SPTLC3: variants seen among roughly 807,000 people sequenced by gnomAD.
SPTLC3 encodes serine palmitoyltransferase long chain base subunit 3.
Under a neutral mutation model 59.3 loss-of-function variants are expected in SPTLC3, and 36 were observed. The observed-to-expected ratio is 0.61, with a 90% CI of 0.47 to 0.80. SPTLC3 has a LOEUF of 0.80. Ranked by LOEUF, SPTLC3 falls within the 30% of genes least tolerant of loss-of-function variation. SPTLC3 has a pLI of 0.00. For missense variants in SPTLC3, 625 were observed against 685.1 expected (o/e 0.91, Z 0.98); for synonymous variants, 257 against 240.8 (o/e 1.07, Z -0.62).
chr20:13,106,044 G>A (rs1989874106), intron 6 of SPTLC3, among the ~76,000 whole-genome samples: 1 of 152,136 alleles, frequency 6.6e-6, no homozygotes, highest in Non-Finnish European at 1.5e-5. Context: ...CTGCCATCTA[G>A]TGGTTAATAA....
In SPTLC3 at chr20:13,155,185, C is replaced by CA. The variant is rs987966513; in HGVS notation, c.1415+1058dup. On this transcript the variant is annotated intron_variant, in intron 10 of 11. Coordinates refer to ENST00000399002, the MANE Select transcript of SPTLC3 (RefSeq NM_018327.4). ...ACTGGGTGACAGAATGAGACCCTGT[C>CA]AAAAAAAAAAAGGAAGTTAACTAAG... Among the ~76,000 whole-genome samples the CA allele has an allele frequency of 8.5e-3, 1,136 of 134,060 alleles. 14 individuals are homozygous for CA. The highest frequency in any genetic ancestry group is 0.027 in the African/African-American group (994 of 36,462). 87.9% of individuals were successfully genotyped at this position (134,060 alleles called of 152,430 possible).
chr20:13,145,871 CA>C (rs2038498480), intron 9 of SPTLC3, among the ~76,000 whole-genome samples: 1 of 152,082 alleles, frequency 6.6e-6, no homozygotes, highest in South Asian at 2.1e-4. Flanking sequence ...ACAAACTTGA[CA>C]AAAACAAGTA....
At chr20:13,043,161 C>T (rs1191093347) in intron 1 of SPTLC3, among the ~76,000 whole-genome samples, 1 of 152,154 alleles carries the variant, frequency 6.6e-6, no homozygotes, top group African/African-American at 2.4e-5. Flanking sequence ...GGATCTATGC[C>T]AATCTTGATC....
chr20:13,013,173 A>G (rs1985344526), intron 1 of SPTLC3, among the ~76,000 whole-genome samples: 1 of 152,248 alleles, frequency 6.6e-6, no homozygotes, highest in Non-Finnish European at 1.5e-5. Context: ...CCACATTATT[A>G]TGGAAATCAT....
intron 6 of SPTLC3, among the ~76,000 whole-genome samples, chr20:13,103,810 C>T (rs1240126939): frequency 1.3e-5 from 2 of 152,176 alleles, no homozygotes; most frequent in African/African-American, 2.4e-5. Flanking sequence ...GGAGGAAGCC[C>T]TGATGTATGC....
intron 2 of SPTLC3, among the ~76,000 whole-genome samples, chr20:13,062,868 A>G (rs1988027297): frequency 6.6e-6 from 1 of 152,234 alleles, no homozygotes; most frequent in African/African-American, 2.4e-5. Context: ...ATGCCATAAT[A>G]TACTTATTCC....
At chr20:13,156,403 G>A (rs751140081) in intron 10 of SPTLC3, among the ~76,000 whole-genome samples, 1 of 152,152 alleles carries the variant, frequency 6.6e-6, no homozygotes, top group Non-Finnish European at 1.5e-5. Flanking sequence ...TGCTATGAAC[G>A]ATATGCTTCA....
In SPTLC3 at chr20:13,165,230, A is replaced by C. The variant is rs532811777; in HGVS notation, c.*363A>C. On this transcript the variant is annotated 3_prime_UTR_variant, in exon 12 of 12. Coordinates refer to ENST00000399002, the MANE Select transcript of SPTLC3 (RefSeq NM_018327.4). ...ATGAGAGAATTTAAAATTTTTATTC[A>C]GTAAGTTCACTATGTGTTTACTTAT... 45 of 185,588 alleles carry C rather than the reference A, an allele frequency of 2.4e-4. No homozygotes were observed. Among genetic ancestry groups the C allele is most frequent in the Non-Finnish European group, 4.1e-4 (36 of 87,828 alleles). 11.5% of individuals were successfully genotyped at this position (185,588 alleles called of 1,614,324 possible). A position where few individuals can be genotyped will look rare whatever the true frequency, so the allele number is the denominator to read the frequency against.
intron 1 of SPTLC3, among the ~76,000 whole-genome samples, chr20:13,037,407 C>T (rs1054639202): frequency 2.0e-5 from 3 of 152,138 alleles, no homozygotes; most frequent in African/African-American, 7.2e-5. Flanking sequence ...CAGTCTGCAT[C>T]GCATAACAAA....
At chr20:13,037,608 G>T (rs1360699002) in intron 1 of SPTLC3, among the ~76,000 whole-genome samples, 1 of 152,130 alleles carries the variant, frequency 6.6e-6, no homozygotes, top group East Asian at 1.9e-4. Flanking sequence ...ATATAACTAT[G>T]AATGAAATGT....
At chr20:13,068,247 C>T (rs540145758) in intron 2 of SPTLC3, among the ~76,000 whole-genome samples, 26 of 152,296 alleles carry the variant, frequency 1.7e-4, no homozygotes, top group Non-Finnish European at 3.2e-4. Context: ...CTTCTTTCTA[C>T]ACTCCATTCT....
intron 9 of SPTLC3, among the ~76,000 whole-genome samples, chr20:13,127,438 G>C (rs1283443662): frequency 2.0e-5 from 3 of 152,148 alleles, no homozygotes; most frequent in African/African-American, 7.2e-5. Flanking sequence ...CTGGCCACTG[G>C]ACTGTACAAT....
At chr20:13,123,503 T>A (rs141600454) in intron 8 of SPTLC3, among the ~76,000 whole-genome samples, 3 of 152,310 alleles carry the variant, frequency 2.0e-5, no homozygotes, top group African/African-American at 7.2e-5. Context: ...AGAGATTTAG[T>A]AACTGGCCCA....
chr20:13,110,832 G>A (rs965591888), intron 7 of SPTLC3, among the ~76,000 whole-genome samples: 6 of 152,056 alleles, frequency 3.9e-5, no homozygotes, highest in Admixed American at 1.3e-4. Context: ...CAATCCTGAC[G>A]TTAGGCAAAT....
chr20:13,126,569 G>T, intron 8 of SPTLC3, 22 bp from the exon 9 acceptor site: 1 of 1,611,100 alleles, frequency 6.2e-7, no homozygotes, highest in Non-Finnish European at 8.5e-7. Flanking sequence ...CCTTCTTTTT[G>T]GGTTTCCCCT....
At chr20:13,048,653 G>A (rs1987334719) in intron 1 of SPTLC3, among the ~76,000 whole-genome samples, 1 of 152,206 alleles carries the variant, frequency 6.6e-6, no homozygotes, top group African/African-American at 2.4e-5. Context: ...TGATTAGGAA[G>A]TAAGCTGTGG....
At chr20:13,042,541 A>G (rs1466940014) in intron 1 of SPTLC3, among the ~76,000 whole-genome samples, 2 of 152,212 alleles carry the variant, frequency 1.3e-5, no homozygotes, top group Non-Finnish European at 2.9e-5. Flanking sequence ...GGTGTTCATT[A>G]GAGGAAGTAA....
Position 13,092,414 on chromosome 20 carries a change from T to C in SPTLC3, c.733-1070T>C, listed in dbSNP as rs116840928. Among the ~76,000 whole-genome samples, 38 of 152,370 alleles carry C rather than the reference T, an allele frequency of 2.5e-4. No individual in the cohort carries two copies. The East Asian group carries it at 6.9e-3, about 28-fold the overall frequency. ...TCTCATCACAACTACATGCAATGTA[T>C]GGTCTTAGACTGGATTTTGCACCAA... On this transcript the variant is annotated intron_variant, in intron 5 of 11. Transcript: ENST00000399002.
intron 1 of SPTLC3, among the ~76,000 whole-genome samples, chr20:13,013,475 C>T (rs1481773143): frequency 6.6e-6 from 1 of 152,176 alleles, no homozygotes; most frequent in African/African-American, 2.4e-5. Context: ...TTGGAAATCC[C>T]TTTCAACTGC....
Sources: gnomAD v4.1 joint callset for allele counts (sites outside exome capture counted in the v4.1 genomes callset) on GRCh38, gnomAD v4.1.1 for gene constraint, MANE v1.5 for transcripts, NCBI Gene and HGNC (gene_info 2026-07-23, HGNC 2026-07-21) for gene names.